The following ZNF529 variants were observed in gnomAD, a reference collection of about 807,000 sequenced individuals.
ZNF529 encodes the protein zinc finger protein 529.
ZNF529 carries 11 observed loss-of-function variants against 10.1 expected under a neutral mutation model. The observed-to-expected ratio is 1.09, with a 90% confidence interval of 0.69 to 1.81. The LOEUF is 1.81. ZNF529 is among the 40% of genes most tolerant of loss of function. The pLI is 0.00. For synonymous variants in ZNF529, 204 were observed against 215.7 expected, an observed-to-expected ratio of 0.95 and a Z score of 0.47; for missense variants, 624 against 666.8, an observed-to-expected ratio of 0.94 and a Z score of 0.71.
chr19:36,591,320 A>T (rs919507145), intron 1 of ZNF529, among the ~76,000 whole-genome samples: 2 of 151,566 alleles, frequency 1.3e-5, no homozygotes, highest in African/African-American at 4.8e-5. Flanking sequence ...AAAAGAAAAT[A>T]ATTATTATAG....
At chr19:36,594,884 C>CT (rs11408279) in intron 1 of ZNF529, among the ~76,000 whole-genome samples, 35,592 of 145,040 alleles carry the variant, frequency 0.25, 4,378 homozygotes, top group South Asian at 0.36. Context: ...TTTCTTTTTT[C>CT]TTTTTTTTTT....
intron 1 of ZNF529, among the ~76,000 whole-genome samples, chr19:36,594,911 C>T (rs1439599177): frequency 2.0e-5 from 3 of 150,488 alleles, no homozygotes; most frequent in East Asian, 1.9e-4. Context: ...TGGAGTCTTG[C>T]TCTGTCACCC....
intron 2 of ZNF529, among the ~76,000 whole-genome samples, chr19:36,584,764 C>G (rs1319963768): frequency 6.9e-6 from 1 of 144,308 alleles, no homozygotes; most frequent in African/African-American, 2.6e-5. Flanking sequence ...GAGACTCTGT[C>G]TCAAAAAAAA....
chr19:36,568,479 T>C (rs1249336525), intron 2 of ZNF529, among the ~76,000 whole-genome samples: 2 of 151,458 alleles, frequency 1.3e-5, no homozygotes. Flanking sequence ...TCTTTCTTTT[T>C]TTTTTTTTTT....
intron 3 of ZNF529, among the ~76,000 whole-genome samples, chr19:36,555,697 GTCT>G (rs1286281624): frequency 6.6e-6 from 1 of 152,146 alleles, no homozygotes; most frequent in Non-Finnish European, 1.5e-5. Flanking sequence ...GTTAGAGAAG[GTCT>G]TCTCCAATGC....
rs568515212 is a variant in ZNF529, at chr19:36,547,410, C to A, written c.1148G>T (p.Arg383Leu). ...KAFGVCRELA[R>L]HQRIHTGKKP... ...CTTACCAGTATGAATTCTCTGATGA[C>A]GAGCAAGTTCTCTACATACTCCAAA... Residue 383 changes from arginine to leucine, a missense_variant, in exon 5 of 5, where the codon CGT becomes CTT. Coordinates refer to ENST00000591340, the MANE Select transcript of ZNF529 (RefSeq NM_020951.5). 2 of 1,612,922 alleles carry A rather than the reference C, an allele frequency of 1.2e-6. No individual in the cohort carries two copies. The highest frequency in any genetic ancestry group is 1.7e-6 in the Non-Finnish European group (2 of 1,179,636).
At chr19:36,558,911 A>G (rs2035577596) in intron 2 of ZNF529, among the ~76,000 whole-genome samples, 3 of 150,640 alleles carry the variant, frequency 2.0e-5, no homozygotes, top group Admixed American at 6.7e-5. Flanking sequence ...ATCTAAATAT[A>G]TAAGAAATTC....
chr19:36,549,757 G>A (rs2967435), intron 4 of ZNF529, among the ~76,000 whole-genome samples: 56,655 of 151,942 alleles, frequency 0.37, 11,120 homozygotes, highest in African/African-American at 0.5. Context: ...TTACTCCGCC[G>A]TCCTCCTAAA....
Position 36,551,163 on chromosome 19 carries a change from A to G in ZNF529, c.236-2841T>C, listed in dbSNP as rs180920391. On this transcript the variant is annotated intron_variant, in intron 4 of 4. Coordinates refer to ENST00000591340, the MANE Select transcript of ZNF529 (RefSeq NM_020951.5). Reference sequence around the variant, plus strand: ...GACACAAAAATAGTTTGCGGGAGCTAAAGTGCCACCATTTTGACAATACAA... The same window carrying G: ...GACACAAAAATAGTTTGCGGGAGCTGAAGTGCCACCATTTTGACAATACAA... Among the ~76,000 whole-genome samples, 131 of 152,352 alleles carry G rather than the reference A, an allele frequency of 8.6e-4. 1 individual carries two copies. Among genetic ancestry groups the G allele is most frequent in the African/African-American group, 3.0e-3 (125 of 41,594 alleles).
intron 2 of ZNF529, among the ~76,000 whole-genome samples, chr19:36,578,893 C>T (rs762239451): frequency 4.0e-5 from 6 of 151,726 alleles, no homozygotes; most frequent in Non-Finnish European, 7.4e-5. Flanking sequence ...CCACCGCACC[C>T]GGCCACATGT....
At chr19:36,596,605 C>T (rs940281291) in intron 1 of ZNF529, among the ~76,000 whole-genome samples, 6 of 152,034 alleles carry the variant, frequency 3.9e-5, no homozygotes, top group African/African-American at 1.4e-4. Flanking sequence ...GCAGCCTCTG[C>T]CTCCCAGTTC....
rs751009388 is a variant in ZNF529 at position 36,548,035 on chromosome 19, C to G, written c.523G>C (p.Glu175Gln). ...TCACAACTGAAGACCTTCTCATATT[C>G]CTTGTATTCATAGGGCTTCTCACTG... ...HDSEKPYEYK[E>Q]YEKVFSCDLE... Residue 175 changes from glutamate to glutamine, a missense_variant, in exon 5 of 5, where the codon GAA becomes CAA. Glu to Gln is a conservative substitution (Grantham distance 29). Coordinates refer to ENST00000591340, the MANE Select transcript of ZNF529 (RefSeq NM_020951.5). The G allele has an allele frequency of 6.2e-7, 1 of 1,613,848 alleles. No individual in the cohort carries two copies. The highest frequency in any genetic ancestry group is 2.2e-5 in the East Asian group (1 of 44,848).
chr19:36,604,358 G>A (rs1011176471), intron 1 of ZNF529, among the ~76,000 whole-genome samples: 10 of 152,134 alleles, frequency 6.6e-5, no homozygotes, highest in African/African-American at 2.4e-4. Flanking sequence ...TGCTTTTTCA[G>A]TTGGAAACTT....
upstream of ZNF529, among the ~76,000 whole-genome samples, chr19:36,576,009 C>T (rs976245259): frequency 1.4e-4 from 22 of 152,116 alleles, no homozygotes; most frequent in Admixed American, 3.3e-4. Context: ...CCACCACACC[C>T]GGCTAATTTT....
chr19:36,551,197 T>G (rs963535368), intron 4 of ZNF529, among the ~76,000 whole-genome samples: 1 of 152,054 alleles, frequency 6.6e-6, no homozygotes, highest in Non-Finnish European at 1.5e-5. Flanking sequence ...AAGAGTCAAA[T>G]GAGGGGAAAA....
chr19:36,567,146 GAT>G (rs2035930415), intron 2 of ZNF529, among the ~76,000 whole-genome samples: 1 of 152,160 alleles, frequency 6.6e-6, no homozygotes, highest in Non-Finnish European at 1.5e-5. Flanking sequence ...AATATGGATA[GAT>G]ATATTCATCA....
chr19:36,560,585 A>T (rs1555786140), intron 2 of ZNF529, among the ~76,000 whole-genome samples: 2 of 151,714 alleles, frequency 1.3e-5, no homozygotes, highest in African/African-American at 2.4e-5. Context: ...CTTTCTTCTC[A>T]TTTTTTTTTA....
At chr19:36,567,970 A>G (rs1441358614) in intron 2 of ZNF529, among the ~76,000 whole-genome samples, 1 of 152,168 alleles carries the variant, frequency 6.6e-6, no homozygotes, top group Non-Finnish European at 1.5e-5. Flanking sequence ...CAGCCCAACA[A>G]AAAGACAAAC....
exon 2 of ZNF529, chr19:36,589,623 G>A (rs1246107244): frequency 4.6e-5 from 7 of 151,826 alleles, no homozygotes; most frequent in East Asian, 1.9e-4. Context: ...ACCTCTTTCA[G>A]TTCTGCACTC....
Sources: allele counts gnomAD v4.1 joint callset (sites outside exome capture counted in the v4.1 genomes callset), GRCh38; gene constraint gnomAD v4.1.1; transcripts MANE v1.5; gene names NCBI Gene and HGNC (gene_info 2026-07-23, HGNC 2026-07-21).